The following SV2C variants were observed in gnomAD, a reference collection of about 807,000 sequenced individuals.
SV2C encodes solute carrier family 22 member B3.
Under a neutral mutation model 79.7 loss-of-function variants are expected in SV2C, and 49 were observed. The ratio of observed to expected loss-of-function variants is 0.61; its 90% CI spans 0.49 to 0.78. SV2C has a LOEUF of 0.78. Among genes scored for constraint, SV2C ranks in the 30% least tolerant of loss-of-function variants. The pLI, the probability that SV2C is intolerant of heterozygous loss-of-function variation, is 0.00. For synonymous variants in SV2C, 334 were observed against 333.2 expected, an observed-to-expected ratio of 1.00 and a Z score of -0.03; for missense variants, 833 against 912.9, an observed-to-expected ratio of 0.91 and a Z score of 1.13.
At chr5:76,211,669 T>C (rs975319715) in intron 4 of SV2C, among the ~76,000 whole-genome samples, 1 of 152,240 alleles carries the variant, frequency 6.6e-6, no homozygotes, top group Non-Finnish European at 1.5e-5. Flanking sequence ...GCTTTTGTTT[T>C]AGAACATGGT....
chr5:75,988,579 G>A, the SV2C span, among the ~76,000 whole-genome samples: 2 of 151,880 alleles, frequency 1.3e-5, no homozygotes, highest in African/African-American at 2.4e-5. Context: ...TAAGTAAAAG[G>A]CTGGAACTGG....
the SV2C span, among the ~76,000 whole-genome samples, chr5:75,966,482 C>G: frequency 6.6e-6 from 1 of 152,156 alleles, no homozygotes; most frequent in African/African-American, 2.4e-5. Context: ...CAAAGGCAAC[C>G]TTTAGTTGCC....
chr5:76,316,761 CCTA>C (rs1228040802), intron 12 of SV2C, among the ~76,000 whole-genome samples: 1 of 152,148 alleles, frequency 6.6e-6, no homozygotes, highest in Admixed American at 6.5e-5. Context: ...CTGGCAAGCT[CCTA>C]CTATTCCTTT....
At chr5:76,079,580 G>A (rs1018806342), upstream of SV2C, 4 of 326,012 alleles carry the variant, frequency 1.2e-5, no homozygotes, top group African/African-American at 8.9e-5. Flanking sequence ...ATGAATGAAT[G>A]TATTGAAACA....
intron 2 of SV2C, among the ~76,000 whole-genome samples, chr5:76,186,533 A>T (rs943308326): frequency 1.3e-5 from 2 of 152,062 alleles, no homozygotes; most frequent in Non-Finnish European, 2.9e-5. Flanking sequence ...CTCTACTAAA[A>T]ATACAAAAAG....
intron 2 of SV2C, among the ~76,000 whole-genome samples, chr5:76,154,475 A>G (rs1232237446): frequency 2.0e-5 from 3 of 152,204 alleles, no homozygotes; most frequent in Admixed American, 1.3e-4. Context: ...TTATTCAATG[A>G]GGATGGAATC....
the SV2C span, among the ~76,000 whole-genome samples, chr5:76,021,009 G>A: frequency 6.6e-6 from 1 of 152,158 alleles, no homozygotes; most frequent in African/African-American, 2.4e-5. Flanking sequence ...TACAATTTGA[G>A]GACTTACTAG....
chr5:75,910,732 T>G, the SV2C span: 1 of 1,371,258 alleles, frequency 7.3e-7, no homozygotes, highest in South Asian at 1.2e-5. Context: ...TGTTTGAAGA[T>G]CTGAACCAAA....
At chr5:76,350,656 T>C (rs1453672404) in intron 12 of SV2C, among the ~76,000 whole-genome samples, 1 of 152,232 alleles carries the variant, frequency 6.6e-6, no homozygotes, top group Non-Finnish European at 1.5e-5. Context: ...CATTGTTCCT[T>C]TCCTCAAGGA....
chr5:75,973,799 T>C, the SV2C span, among the ~76,000 whole-genome samples: 4 of 152,054 alleles, frequency 2.6e-5, no homozygotes, highest in South Asian at 8.3e-4. Flanking sequence ...ATGTATGGTG[T>C]CTAGTATACA....
the SV2C span, among the ~76,000 whole-genome samples, chr5:75,856,566 T>G: frequency 2.0e-5 from 3 of 152,244 alleles, no homozygotes; most frequent in African/African-American, 4.8e-5. Flanking sequence ...GCTTTTCATA[T>G]GCCTGTTTGC....
intron 4 of SV2C, among the ~76,000 whole-genome samples, chr5:76,238,383 C>T (rs1408304009): frequency 1.3e-5 from 2 of 151,948 alleles, no homozygotes; most frequent in Non-Finnish European, 2.9e-5. Context: ...GTATCATGTT[C>T]TCCTACATCT....
the SV2C span, among the ~76,000 whole-genome samples, chr5:75,947,013 G>C: frequency 6.6e-6 from 1 of 152,098 alleles, no homozygotes; most frequent in Non-Finnish European, 1.5e-5. Context: ...GGCTGAGTCT[G>C]GTCAGTGACC....
At chr5:75,990,900 G>C in the SV2C span, among the ~76,000 whole-genome samples, 1 of 151,986 alleles carries the variant, frequency 6.6e-6, no homozygotes, top group Admixed American at 6.6e-5. Flanking sequence ...TGTGCACCAA[G>C]TCTGATATGA....
chr5:75,851,759 G>T, the SV2C span, among the ~76,000 whole-genome samples: 3 of 152,046 alleles, frequency 2.0e-5, no homozygotes, highest in Non-Finnish European at 4.4e-5. Flanking sequence ...TGCTGCCTCC[G>T]CTGCCTCAGC....
intron 2 of SV2C, chr5:76,174,060 C>G: frequency 6.3e-7 from 1 of 1,578,858 alleles, no homozygotes; most frequent in South Asian, 1.1e-5. Flanking sequence ...TCAACTTGCT[C>G]TCTATAAGAA....
At chr5:76,161,889 T>C (rs1742907787) in intron 2 of SV2C, among the ~76,000 whole-genome samples, 1 of 152,180 alleles carries the variant, frequency 6.6e-6, no homozygotes, top group Non-Finnish European at 1.5e-5. Context: ...CAGTGCCATT[T>C]TAGTGATTAT....
At chr5:75,924,175 T>C in the SV2C span, among the ~76,000 whole-genome samples, 13 of 152,170 alleles carry the variant, frequency 8.5e-5, no homozygotes, top group African/African-American at 2.9e-4. Context: ...CCAAATATCA[T>C]ATGTTCTCCC....
At chr5:76,229,255 T>G (rs1446754303) in intron 4 of SV2C, among the ~76,000 whole-genome samples, 1 of 152,248 alleles carries the variant, frequency 6.6e-6, no homozygotes, top group Admixed American at 6.5e-5. Flanking sequence ...GAGTTCTTCC[T>G]ACCCCCATCC....
Sources: gnomAD v4.1 joint callset for allele counts (sites outside exome capture counted in the v4.1 genomes callset) on GRCh38, gnomAD v4.1.1 for gene constraint, MANE v1.5 for transcripts, NCBI Gene and HGNC (gene_info 2026-07-23, HGNC 2026-07-21) for gene names.